NBEAL1: variants seen among roughly 807,000 people sequenced by gnomAD.
NBEAL1 encodes the protein neurobeachin like 1.
In NBEAL1, 273 loss-of-function variants were observed where a neutral mutation model predicts 351.3. That is an observed-to-expected ratio of 0.78 (90% CI 0.70 to 0.86). The LOEUF (loss-of-function observed/expected upper bound fraction) is 0.86, where lower values mean the gene tolerates loss of function less well. Ranked by LOEUF, NBEAL1 falls within the 40% of genes least tolerant of loss-of-function variation. The pLI is 0.00. For synonymous variants in NBEAL1, 1,050 were observed against 1,086.4 expected (o/e 0.97, Z 0.66); for missense variants, 2,961 against 3,201.3 (o/e 0.92, Z 1.81).
At chr2:203,066,713 A>C (rs2061594345) in intron 6 of NBEAL1, among the ~76,000 whole-genome samples, 1 of 146,596 alleles carries the variant, frequency 6.8e-6, no homozygotes, top group Non-Finnish European at 1.5e-5. Context: ...GCGGCCGGGC[A>C]GAGGCACACT....
At chr2:203,174,083 C>T (rs901493917) in intron 41 of NBEAL1, among the ~76,000 whole-genome samples, 1 of 150,448 alleles carries the variant, frequency 6.6e-6, no homozygotes, top group Non-Finnish European at 1.5e-5. Context: ...TTCCTATCCA[C>T]CATCTCTTTT....
chr2:203,088,176 CT>C (rs1412752572), intron 10 of NBEAL1, among the ~76,000 whole-genome samples: 1 of 152,106 alleles, frequency 6.6e-6, no homozygotes, highest in Non-Finnish European at 1.5e-5. Context: ...GACTACTCTC[CT>C]TTTCTGTATA....
intron 31 of NBEAL1, among the ~76,000 whole-genome samples, chr2:203,140,493 T>A (rs1033003810): frequency 1.3e-5 from 2 of 152,078 alleles, no homozygotes; most frequent in African/African-American, 4.8e-5. Context: ...TAAAACTCAT[T>A]TCCCTGTGTT....
chr2:203,146,673 G>C (rs1257914195), intron 33 of NBEAL1, among the ~76,000 whole-genome samples: 3 of 151,980 alleles, frequency 2.0e-5, no homozygotes, highest in African/African-American at 7.3e-5. Context: ...CGCACCTGTA[G>C]TCCCAACTAC....
At chr2:203,119,689 G>C (rs980930065) in intron 18 of NBEAL1, among the ~76,000 whole-genome samples, 3 of 152,030 alleles carry the variant, frequency 2.0e-5, no homozygotes, top group African/African-American at 7.2e-5. Flanking sequence ...GCCTCCCAAA[G>C]TGCTGGGATT....
At chr2:203,200,702 TA>T (rs1181148024) in intron 49 of NBEAL1, among the ~76,000 whole-genome samples, 2 of 151,842 alleles carry the variant, frequency 1.3e-5, no homozygotes, top group African/African-American at 4.8e-5. Flanking sequence ...TCAAAAAAAC[TA>T]AAATTAAAAT....
rs138205147 is a variant in NBEAL1, at chr2:203,198,004, TA to T, written c.7128+614del. On this transcript the variant is annotated intron_variant, in intron 48 of 55. Transcript: ENST00000683969. The stretch of plus-strand genomic sequence containing the variant: ...TTGTGAATTTCAATCCTTATATATA[TA>T]TTTTTTTTTCTTTTCTTTTTTTTTT... Among the ~76,000 whole-genome samples the T allele has an allele frequency of 6.1e-3, 905 of 147,546 alleles. 9 individuals are homozygous for T. Among genetic ancestry groups the T allele is most frequent in the African/African-American group, 0.021 (850 of 40,700 alleles).
intron 51 of NBEAL1, among the ~76,000 whole-genome samples, chr2:203,207,449 G>A (rs1229154423): frequency 1.3e-5 from 2 of 152,352 alleles, no homozygotes; most frequent in Admixed American, 6.5e-5. Context: ...TGATGACAAT[G>A]GCGGTTTTGT....
chr2:203,201,507 T>C, intron 49 of NBEAL1, 36 bp from the exon 50 acceptor site: 1 of 1,466,242 alleles, frequency 6.8e-7, no homozygotes, highest in Non-Finnish European at 9.1e-7. Context: ...TACGTGATCT[T>C]GTAAGGAAAA....
chr2:203,085,493 A>G (rs1377072310), intron 10 of NBEAL1: 3 of 152,264 alleles, frequency 2.0e-5, no homozygotes, highest in Admixed American at 1.3e-4. Context: ...TGTTGTCTTC[A>G]TAATGACTAC....
chr2:203,136,353 G>GT, intron 28 of NBEAL1, 101 bp downstream of exon 28: 1 of 928,218 alleles, frequency 1.1e-6, no homozygotes, highest in Non-Finnish European at 1.6e-6. Flanking sequence ...ATTTCATATT[G>GT]TATTCATGTT....
intron 35 of NBEAL1, among the ~76,000 whole-genome samples, chr2:203,154,783 CAA>C (rs976147990): frequency 3.3e-5 from 5 of 151,820 alleles, no homozygotes; most frequent in Non-Finnish European, 7.4e-5. Flanking sequence ...CCCATCTCTA[CAA>C]AAAATACGAT....
intron 21 of NBEAL1, 142 bp from the exon 22 acceptor site, chr2:203,126,415 C>T (rs1439405022): frequency 1.5e-6 from 1 of 674,734 alleles, no homozygotes; most frequent in African/African-American, 1.9e-5. Flanking sequence ...ATCAGAAAAA[C>T]CAATACTTAA....
chr2:203,034,320 G>A (rs2061003622), intron 2 of NBEAL1, among the ~76,000 whole-genome samples: 1 of 150,412 alleles, frequency 6.6e-6, no homozygotes, highest in East Asian at 2.0e-4. Context: ...ACCATATCCA[G>A]CTAATTTTTT....
Position 203,016,361 on chromosome 2 carries a change from T to TA in NBEAL1, c.-21dup. 6.9e-7 allele frequency: 1 copy of TA among 1,452,678 alleles called. No homozygotes were observed. The highest frequency in any genetic ancestry group is 1.4e-5 in the South Asian group (1 of 69,266). The allele number at this position is 1,452,678 out of a possible 1,614,324, so 90.0% of individuals were successfully genotyped here. A position where few individuals can be genotyped will look rare whatever the true frequency, so the allele number is the denominator to read the frequency against. On this transcript the variant is annotated 5_prime_UTR_variant, in exon 2 of 56. Coordinates refer to ENST00000683969, the MANE Select transcript of NBEAL1 (RefSeq NM_001378026.1). ...GAACATAATTTTTTTAAGGAAAACT[T>TA]AAAGTGCCAGAGTGAAAGCCAGAAT... is the stretch of plus-strand genomic sequence containing the variant.
At chr2:203,072,339 A>G (rs897279429) in intron 7 of NBEAL1, among the ~76,000 whole-genome samples, 1 of 151,632 alleles carries the variant, frequency 6.6e-6, no homozygotes, top group Non-Finnish European at 1.5e-5. Flanking sequence ...TAAGTCCACT[A>G]GTTATACCCA....
chr2:203,068,790 TG>T (rs2061635027), intron 7 of NBEAL1, among the ~76,000 whole-genome samples: 1 of 152,164 alleles, frequency 6.6e-6, no homozygotes, highest in Non-Finnish European at 1.5e-5. Flanking sequence ...AGTACAGTGG[TG>T]CGATCTTGGC....
At chr2:203,035,170 C>G (rs1192643535) in intron 2 of NBEAL1, among the ~76,000 whole-genome samples, 1 of 149,212 alleles carries the variant, frequency 6.7e-6, no homozygotes, top group African/African-American at 2.4e-5. Flanking sequence ...TTATGAGAAG[C>G]TAAACGTCTG....
rs369199726 is a variant in NBEAL1, at chr2:203,112,090, A to G, written c.2194A>G (p.Met732Val). 1.4e-5 allele frequency: 22 copies of G among 1,551,836 alleles called. No homozygotes were observed. Among genetic ancestry groups the G allele is most frequent in the South Asian group, 3.6e-5 (3 of 83,738 alleles). The change falls in exon 16 of 56, where the codon ATG becomes GTG. Residue 732 changes from methionine (M) to valine (V), a missense_variant. Met to Val is a conservative substitution (Grantham distance 21, BLOSUM62 1). Transcript: ENST00000683969. ...TTCTGCCCCTCTCAGATTTCCTGCC[A>G]TGAATGAAGTAAGTATATCCAACCT... ...KVSAPLRFPA[M>V]NEPFTSCCIG... is the part of the protein sequence containing the mutation.
Sources: allele counts gnomAD v4.1 joint callset (sites outside exome capture counted in the v4.1 genomes callset), GRCh38; gene constraint gnomAD v4.1.1; transcripts MANE v1.5; gene names NCBI Gene and HGNC (gene_info 2026-07-23, HGNC 2026-07-21).